The following IMMP2L variants were observed in gnomAD, a reference collection of about 807,000 sequenced individuals.
IMMP2L encodes the protein inner mitochondrial membrane peptidase subunit 2.
IMMP2L carries 18 observed loss-of-function variants against 19.3 expected under a neutral mutation model. The observed-to-expected ratio is 0.93, with a 90% CI of 0.64 to 1.38. The LOEUF (loss-of-function observed/expected upper bound fraction) is 1.38. Ranked by LOEUF, IMMP2L falls within the 40% of genes most tolerant of loss-of-function variation. IMMP2L has a pLI of 0.00. For missense variants in IMMP2L, 233 were observed against 218.2 expected (o/e 1.07, Z -0.43); for synonymous variants, 76 against 73.0 (o/e 1.04, Z -0.21).
chr7:111,536,705 TA>T (rs1847920273), intron 1 of IMMP2L, among the ~76,000 whole-genome samples: 1 of 152,166 alleles, frequency 6.6e-6, no homozygotes. Flanking sequence ...TTTCAATTTA[TA>T]AATTATCCTT....
chr7:110,750,281 G>T (rs1353248521), intron 5 of IMMP2L, among the ~76,000 whole-genome samples: 1 of 151,924 alleles, frequency 6.6e-6, no homozygotes, highest in Non-Finnish European at 1.5e-5. Flanking sequence ...ACAAAGCAAG[G>T]TCACTGCATT....
intron 5 of IMMP2L, among the ~76,000 whole-genome samples, chr7:110,876,215 G>A (rs750954863): frequency 6.6e-6 from 1 of 152,066 alleles, no homozygotes; most frequent in African/African-American, 2.4e-5. Context: ...CAAAATATTC[G>A]CCCTTCTATG....
At chr7:110,740,695 A>T (rs1406950770) in intron 5 of IMMP2L, among the ~76,000 whole-genome samples, 9 of 152,126 alleles carry the variant, frequency 5.9e-5, no homozygotes, top group African/African-American at 1.9e-4. Flanking sequence ...TGCAAATCAA[A>T]ACCACAGTGC....
intron 5 of IMMP2L, among the ~76,000 whole-genome samples, chr7:110,732,979 G>A (rs1796371330): frequency 6.6e-6 from 1 of 151,776 alleles, no homozygotes; most frequent in Admixed American, 6.6e-5. Context: ...GTAGAGAGGG[G>A]GTCTCACTAT....
At chr7:110,998,823 A>G (rs887816257) in intron 3 of IMMP2L, among the ~76,000 whole-genome samples, 1 of 152,192 alleles carries the variant, frequency 6.6e-6, no homozygotes, top group Admixed American at 6.5e-5. Flanking sequence ...AAGCAGTTGT[A>G]CAGCCCCCTC....
At chr7:110,916,480 T>C (rs1044663233) in intron 4 of IMMP2L, among the ~76,000 whole-genome samples, 5 of 152,194 alleles carry the variant, frequency 3.3e-5, no homozygotes, top group Admixed American at 6.5e-5. Context: ...ATCGCTGGGA[T>C]AGAAAATTTA....
intron 3 of IMMP2L, among the ~76,000 whole-genome samples, chr7:111,224,054 G>C (rs937850818): frequency 1.3e-5 from 2 of 152,098 alleles, no homozygotes; most frequent in Non-Finnish European, 2.9e-5. Flanking sequence ...TCTCAATTCT[G>C]TTCTGCCACT....
chr7:111,296,691 AT>A (rs1821672659), intron 3 of IMMP2L, among the ~76,000 whole-genome samples: 1 of 152,034 alleles, frequency 6.6e-6, no homozygotes, highest in Non-Finnish European at 1.5e-5. Context: ...CTAGGCATTT[AT>A]CCCAGAGAAA....
At chr7:111,038,896 G>A (rs540108857) in intron 3 of IMMP2L, among the ~76,000 whole-genome samples, 4 of 152,192 alleles carry the variant, frequency 2.6e-5, no homozygotes, top group East Asian at 3.9e-4. Flanking sequence ...ACTTGGGGAC[G>A]ATAACTCATT....
In IMMP2L at chr7:110,803,967, GAAC is replaced by G. The variant is rs757204574; in HGVS notation, c.408+82623_408+82625del. Among the ~76,000 whole-genome samples the G allele has an allele frequency of 7.0e-4, 107 of 152,068 alleles. No homozygotes were observed. Among genetic ancestry groups the G allele is most frequent in the Non-Finnish European group, 1.1e-3 (77 of 67,936 alleles). Reference sequence around the variant, plus strand: ...GATTATGATATAAGCTGAAGTTTAAGAACAACTGGTAAAATGGGTACTTGAAAG... The same window carrying G: ...GATTATGATATAAGCTGAAGTTTAAGAACTGGTAAAATGGGTACTTGAAAG... On this transcript the variant is annotated intron_variant, in intron 5 of 5. Coordinates refer to ENST00000405709, the MANE Select transcript of IMMP2L (RefSeq NM_032549.4). The surrounding 1 kb of genome is among the most constrained non-coding windows in gnomAD (Gnocchi z 4.2).
intron 3 of IMMP2L, among the ~76,000 whole-genome samples, chr7:111,437,360 G>A (rs954194881): frequency 2.6e-5 from 4 of 151,806 alleles, no homozygotes; most frequent in African/African-American, 4.9e-5. Flanking sequence ...CAAGAGAATC[G>A]CTTGAACCCG....
chr7:111,519,280 G>A (rs1270130307), intron 2 of IMMP2L, among the ~76,000 whole-genome samples: 2 of 152,094 alleles, frequency 1.3e-5, no homozygotes, highest in Non-Finnish European at 2.9e-5. Context: ...GCACTCCAGC[G>A]GCATCCAAGT....
At chr7:111,459,242 C>G (rs1274767678) in intron 3 of IMMP2L, among the ~76,000 whole-genome samples, 1 of 152,012 alleles carries the variant, frequency 6.6e-6, no homozygotes, top group Non-Finnish European at 1.5e-5. Flanking sequence ...TTAATAATAT[C>G]TCCTTAGTGT....
At position 111,339,667 on chromosome 7, in the gene IMMP2L, T is replaced by C. The variant is rs191335885; in HGVS notation, c.239+147571A>G. Among the ~76,000 whole-genome samples, 40 of 152,100 alleles carry C rather than the reference T, an allele frequency of 2.6e-4. No homozygotes were observed. The East Asian group carries it at 3.5e-3, about 13-fold the overall frequency. ...ACTAGATAAAAACTATTCAGTACAA[T>C]TGAACATGAAACAAAGATACAAAAG... On this transcript the variant is annotated intron_variant, in intron 3 of 5. Coordinates refer to ENST00000405709, the MANE Select transcript of IMMP2L (RefSeq NM_032549.4).
intron 3 of IMMP2L, among the ~76,000 whole-genome samples, chr7:111,188,045 G>A (rs1480902593): frequency 6.6e-6 from 1 of 152,040 alleles, no homozygotes; most frequent in African/African-American, 2.4e-5. Flanking sequence ...TAGTAGGAAG[G>A]GTTGGGAACT....
intron 4 of IMMP2L, among the ~76,000 whole-genome samples, chr7:110,887,455 T>C (rs1042870771): frequency 3.2e-4 from 49 of 152,106 alleles, no homozygotes; most frequent in African/African-American, 1.1e-3. Context: ...CAATTTTTGG[T>C]ACAGTTTTAA....
intron 5 of IMMP2L, among the ~76,000 whole-genome samples, chr7:110,886,001 G>A (rs937930330): frequency 5.3e-5 from 8 of 151,914 alleles, no homozygotes; most frequent in African/African-American, 1.9e-4. Flanking sequence ...AAGTATGTAC[G>A]TTTTTCCACC....
chr7:110,667,136 C>T (rs1403880267), intron 5 of IMMP2L, among the ~76,000 whole-genome samples: 1 of 152,194 alleles, frequency 6.6e-6, no homozygotes, highest in African/African-American at 2.4e-5. Flanking sequence ...TCCCAAAGTG[C>T]TGGGATTACA....
chr7:111,059,870 A>C (rs1028441140), intron 3 of IMMP2L, among the ~76,000 whole-genome samples: 1 of 151,984 alleles, frequency 6.6e-6, no homozygotes, highest in Non-Finnish European at 1.5e-5. Flanking sequence ...ATATAAATAT[A>C]TCTTTGACTT....
Sources: gnomAD v4.1 joint callset for allele counts (sites outside exome capture counted in the v4.1 genomes callset) on GRCh38, gnomAD v4.1.1 for gene constraint, Gnocchi (gnomAD v3.1) non-coding constraint, MANE v1.5 for transcripts, NCBI Gene and HGNC (gene_info 2026-07-23, HGNC 2026-07-21) for gene names.